The following SLC9A9 variants were observed in gnomAD, a reference collection of about 807,000 sequenced individuals.
SLC9A9 encodes solute carrier family 9 member A9.
SLC9A9 carries 62 observed loss-of-function variants against 77.8 expected under a neutral mutation model. That is an observed-to-expected ratio of 0.80 (90% CI 0.65 to 0.98). The LOEUF is 0.98. Ranked by LOEUF, SLC9A9 falls within the 50% of genes least tolerant of loss-of-function variation. The pLI is 0.00. For missense variants in SLC9A9, 775 were observed against 774.9 expected (o/e 1.00, Z 0.00); for synonymous variants, 320 against 283.5 (o/e 1.13, Z -1.29).
intron 6 of SLC9A9, among the ~76,000 whole-genome samples, chr3:143,634,147 C>CTTTTTTTTTTTTTTTTTTTT (rs1033629087): frequency 2.0e-5 from 3 of 149,332 alleles, no homozygotes; most frequent in African/African-American, 7.7e-5. Context: ...ATAATCCTTT[C>CTTTTTTTTTTTTTTTTTTTT]TTTAAGCTTG....
intron 6 of SLC9A9, among the ~76,000 whole-genome samples, chr3:143,621,230 A>G (rs1373378897): frequency 6.6e-6 from 1 of 152,210 alleles, no homozygotes; most frequent in Non-Finnish European, 1.5e-5. Flanking sequence ...TCCTCTGCAG[A>G]CTTAAATGTC....
At chr3:143,537,234 C>T (rs76694684) in intron 9 of SLC9A9, among the ~76,000 whole-genome samples, 2,508 of 152,342 alleles carry the variant, frequency 0.016, 56 homozygotes, top group East Asian at 0.12. Flanking sequence ...CCACTCCAGA[C>T]TAAATAAATT....
intron 14 of SLC9A9, among the ~76,000 whole-genome samples, chr3:143,312,431 CAGAGG>C (rs904832650): frequency 9.9e-5 from 15 of 152,226 alleles, no homozygotes; most frequent in Non-Finnish European, 5.9e-5. Flanking sequence ...GAACCTGTCC[CAGAGG>C]AGAGAAGGAG....
chr3:143,804,336 T>C (rs1351598548), intron 2 of SLC9A9, among the ~76,000 whole-genome samples: 1 of 152,178 alleles, frequency 6.6e-6, no homozygotes, highest in Non-Finnish European at 1.5e-5. Flanking sequence ...CCTCTTCTTG[T>C]TTACTTACCC....
chr3:143,614,222 A>G (rs1322762253), intron 6 of SLC9A9, among the ~76,000 whole-genome samples: 2 of 152,136 alleles, frequency 1.3e-5, no homozygotes, highest in Non-Finnish European at 2.9e-5. Flanking sequence ...TCCTAGGCTC[A>G]ATTTCATGTT....
At chr3:143,698,222 T>C (rs1933696677) in intron 4 of SLC9A9, 1 of 153,756 alleles carries the variant, frequency 6.5e-6, no homozygotes, top group Admixed American at 6.5e-5. Flanking sequence ...TCAGATGTCC[T>C]CCTGTGGACA....
chr3:143,695,117 A>G (rs1376907549), intron 4 of SLC9A9, among the ~76,000 whole-genome samples: 1 of 152,176 alleles, frequency 6.6e-6, no homozygotes, highest in Admixed American at 6.6e-5. Context: ...TACCAGGTGC[A>G]CAGTCTCTTG....
intron 4 of SLC9A9, among the ~76,000 whole-genome samples, chr3:143,741,365 A>C (rs1935068964): frequency 6.6e-6 from 1 of 152,356 alleles, no homozygotes; most frequent in African/African-American, 2.4e-5. Context: ...AAATACCTGG[A>C]GCAACAAAAT....
intron 7 of SLC9A9, among the ~76,000 whole-genome samples, chr3:143,576,177 A>G (rs1055682463): frequency 1.3e-5 from 2 of 152,222 alleles, no homozygotes; most frequent in Admixed American, 1.3e-4. Flanking sequence ...CTGGCCCTGA[A>G]ATGTCCTAGT....
At chr3:143,629,095 C>T (rs1267072383) in intron 6 of SLC9A9, among the ~76,000 whole-genome samples, 1 of 152,180 alleles carries the variant, frequency 6.6e-6, no homozygotes, top group Non-Finnish European at 1.5e-5. Flanking sequence ...TTTGTGGTGA[C>T]ATCATCAAGA....
chr3:143,493,927 T>C (rs1245615281), intron 10 of SLC9A9, among the ~76,000 whole-genome samples, 163 bp from the exon 11 acceptor site: 1 of 152,218 alleles, frequency 6.6e-6, no homozygotes, highest in Admixed American at 6.5e-5. Flanking sequence ...AAAATTTATA[T>C]TTCAAAGTCA....
At chr3:143,402,574 A>G (rs550537421) in intron 12 of SLC9A9, among the ~76,000 whole-genome samples, 1 of 150,074 alleles carries the variant, frequency 6.7e-6, no homozygotes, top group South Asian at 2.1e-4. Flanking sequence ...TAATGGTTAT[A>G]TATTCCAAAT....
chr3:143,733,281 T>C (rs1049412365), intron 4 of SLC9A9, among the ~76,000 whole-genome samples: 1 of 151,888 alleles, frequency 6.6e-6, no homozygotes, highest in African/African-American at 2.4e-5. Context: ...CCAAGCCAAG[T>C]TTTCAAGTCC....
chr3:143,293,412 C>G (rs1006930266), intron 14 of SLC9A9, among the ~76,000 whole-genome samples: 2 of 152,154 alleles, frequency 1.3e-5, no homozygotes, highest in Non-Finnish European at 2.9e-5. Flanking sequence ...CATACCTTTT[C>G]CTATGAAACC....
intron 6 of SLC9A9, among the ~76,000 whole-genome samples, chr3:143,582,255 C>A (rs1391638713): frequency 1.3e-5 from 2 of 152,106 alleles, no homozygotes; most frequent in African/African-American, 4.8e-5. Flanking sequence ...CAAGTTACTG[C>A]ATATTCAGAA....
At position 143,552,395 on chromosome 3, in the gene SLC9A9, A is replaced by AC; in HGVS notation, c.1055_1056insG (p.Asn352LysfsTer11). ...TTCTTATTTTGGAATCCGAAGACAG[A>AC]TTGTTGTAGGTATAATGTGCTTGTG... On this transcript the variant is annotated frameshift_variant, in exon 9 of 16. Transcript: ENST00000316549. LOFTEE classifies it high-confidence loss of function. 1 of 1,613,008 alleles carries AC rather than the reference A, an allele frequency of 6.2e-7. No individual in the cohort carries two copies. Among genetic ancestry groups the AC allele is most frequent in the Non-Finnish European group, 8.5e-7 (1 of 1,179,464 alleles).
chr3:143,758,197 G>A (rs2006992518), intron 4 of SLC9A9, among the ~76,000 whole-genome samples: 1 of 152,128 alleles, frequency 6.6e-6, no homozygotes, highest in Non-Finnish European at 1.5e-5. Flanking sequence ...ACTAACCCAA[G>A]GTTGCTGGTA....
Position 143,266,778 on chromosome 3 carries a change from A to G in SLC9A9, c.1862T>C (p.Ile621Thr), listed in dbSNP as rs1937736216. 2 of 1,614,026 alleles carry G rather than the reference A, an allele frequency of 1.2e-6. No homozygotes were observed. The highest frequency in any genetic ancestry group is 1.7e-6 in the Non-Finnish European group (2 of 1,180,022). The stretch of plus-strand genomic sequence containing the variant: ...TCCCAGGCCGAGGTCTCCCTCATAA[A>G]TGTTTTCCTTGCCTGGCGTCTGGGG... ...ASPQTPGKENIYEGDLGLGGY... is the reference protein window; with the variant it reads ...ASPQTPGKENTYEGDLGLGGY... Residue 621 changes from isoleucine to threonine, a missense_variant, in exon 16 of 16, where the codon ATT (isoleucine) becomes ACT (threonine). By Grantham distance (89) the Ile-to-Thr change is moderately conservative. Transcript: ENST00000316549.
At chr3:143,359,548 G>T (rs140543455) in intron 14 of SLC9A9, among the ~76,000 whole-genome samples, 1 of 152,118 alleles carries the variant, frequency 6.6e-6, no homozygotes, top group Non-Finnish European at 1.5e-5. Context: ...GGTGCAGAAG[G>T]GTGCTTGGGG....
Sources: gnomAD v4.1 joint callset for allele counts (sites outside exome capture counted in the v4.1 genomes callset) on GRCh38, gnomAD v4.1.1 for gene constraint, MANE v1.5 for transcripts, NCBI Gene and HGNC (gene_info 2026-07-23, HGNC 2026-07-21) for gene names.